LEPR: variants seen among roughly 807,000 people sequenced by gnomAD.
LEPR encodes leptin receptor.
LEPR carries 56 observed loss-of-function variants against 114.7 expected under a neutral mutation model. That is an observed-to-expected ratio of 0.49 (90% CI 0.39 to 0.61). The LOEUF is 0.61. Ranked by LOEUF, LEPR falls within the 20% of genes least tolerant of loss-of-function variation. The pLI is 0.00. For synonymous variants in LEPR, 443 were observed against 461.4 expected, an observed-to-expected ratio of 0.96 and a Z score of 0.51; for missense variants, 1,202 against 1,352.9, an observed-to-expected ratio of 0.89 and a Z score of 1.75.
intron 4 of LEPR, 130 bp downstream of exon 4, chr1:65,570,932 A>G: frequency 1.3e-6 from 1 of 765,606 alleles, no homozygotes; most frequent in African/African-American, 1.8e-5. Context: ...TAAAATTAGG[A>G]TTCATTATGT....
intron 3 of LEPR, among the ~76,000 whole-genome samples, chr1:65,568,935 G>A (rs1340424092): frequency 6.6e-6 from 1 of 151,996 alleles, no homozygotes; most frequent in Non-Finnish European, 1.5e-5. Context: ...GTGATATTGG[G>A]CATTTTTTTC....
At position 65,616,997 on chromosome 1, in the gene LEPR, TACC is replaced by T. The variant is rs1213392251; in HGVS notation, c.2212+774_2212+776del. Among the ~76,000 whole-genome samples the T allele has an allele frequency of 1.6e-4, 24 of 152,330 alleles. No individual in the cohort carries two copies. In the South Asian group the frequency reaches 3.1e-3, roughly 20 times the overall value. On this transcript the variant is annotated intron_variant, in intron 15 of 19. Coordinates refer to ENST00000349533, the MANE Select transcript of LEPR (RefSeq NM_002303.6). ...TTTTATGTCCTGTTTACATTATGAT[TACC>T]TTTGTATTTATAGTGTTAAGCATCG...
intron 2 of LEPR, chr1:65,431,655 A>C (rs371373228): frequency 1.8e-5 from 13 of 706,860 alleles, no homozygotes; most frequent in East Asian, 1.6e-4. Context: ...ATTACTGAAC[A>C]GTTCATTGTC....
At chr1:65,434,074 A>G in intron 2 of LEPR, 1 of 985,364 alleles carries the variant, frequency 1.0e-6, no homozygotes, top group African/African-American at 1.7e-5. Flanking sequence ...GGTAGCCTTC[A>G]TATGTAGCCT....
At chr1:65,522,549 C>A (rs563034227) in intron 2 of LEPR, among the ~76,000 whole-genome samples, 1 of 152,222 alleles carries the variant, frequency 6.6e-6, no homozygotes, top group East Asian at 1.9e-4. Flanking sequence ...AACAGTTGAG[C>A]CGGAAAGAAA....
intron 2 of LEPR, among the ~76,000 whole-genome samples, chr1:65,535,472 C>A (rs1650702841): frequency 6.6e-6 from 1 of 151,778 alleles, no homozygotes; most frequent in African/African-American, 2.4e-5. Flanking sequence ...TCAAGCTACC[C>A]TCCTGCCTCA....
chr1:65,614,705 G>A (rs997334609), intron 14 of LEPR, among the ~76,000 whole-genome samples: 1 of 152,080 alleles, frequency 6.6e-6, no homozygotes, highest in Non-Finnish European at 1.5e-5. Context: ...TTAGAGTTGG[G>A]GATATAGGTA....
chr1:65,531,892 G>A (rs150730414), intron 2 of LEPR, among the ~76,000 whole-genome samples: 5 of 146,730 alleles, frequency 3.4e-5, no homozygotes, highest in South Asian at 2.1e-4. Flanking sequence ...TCTTTAGAGC[G>A]TAAAACCAAT....
In LEPR at chr1:65,633,611, A is replaced by G. The variant is rs1300911562; in HGVS notation, c.2674-2580A>G. On this transcript the variant is annotated intron_variant, in intron 19 of 19. Transcript: ENST00000349533. The surrounding 1 kb of genome is among the most constrained non-coding windows in gnomAD (Gnocchi z 4.1). ...CTTTAAAAATACAATGATTATAAGTATGGAATCAGTGAAAATATTTAGTTT... is the reference window on the plus strand; with the variant it reads ...CTTTAAAAATACAATGATTATAAGTGTGGAATCAGTGAAAATATTTAGTTT... The G allele has an allele frequency of 1.0e-6, 1 of 982,566 alleles. No homozygotes were observed. Among genetic ancestry groups the G allele is most frequent in the Non-Finnish European group, 1.2e-6 (1 of 826,318 alleles). 60.9% of individuals were successfully genotyped at this position (982,566 alleles called of 1,614,324 possible).
At chr1:65,550,770 T>C (rs566499644) in intron 2 of LEPR, among the ~76,000 whole-genome samples, 1 of 152,174 alleles carries the variant, frequency 6.6e-6, no homozygotes, top group Non-Finnish European at 1.5e-5. Flanking sequence ...TTGCGCTTCC[T>C]GAGTGAGGCA....
At chr1:65,467,054 G>A (rs924729395) in intron 2 of LEPR, among the ~76,000 whole-genome samples, 2 of 152,084 alleles carry the variant, frequency 1.3e-5, no homozygotes, top group Non-Finnish European at 2.9e-5. Flanking sequence ...ACTCATTCTC[G>A]TCCAGTTCGT....
At chr1:65,433,978 T>C (rs1031535664) in intron 2 of LEPR, 9 of 985,282 alleles carry the variant, frequency 9.1e-6, no homozygotes, top group Non-Finnish European at 1.1e-5. Context: ...TGCAATAGCT[T>C]TTCTTTCTAA....
chr1:65,609,277 C>T (rs1000106906), intron 12 of LEPR, among the ~76,000 whole-genome samples: 1 of 152,186 alleles, frequency 6.6e-6, no homozygotes, highest in Non-Finnish European at 1.5e-5. Flanking sequence ...TATTTCATCT[C>T]ATGTTCCCCA....
At chr1:65,554,687 T>C (rs957344588) in intron 2 of LEPR, among the ~76,000 whole-genome samples, 3 of 152,080 alleles carry the variant, frequency 2.0e-5, no homozygotes, top group African/African-American at 7.2e-5. Flanking sequence ...TTTGACTCCC[T>C]GGCTTCAGCC....
chr1:65,613,670 G>A (rs1345283031), intron 14 of LEPR, among the ~76,000 whole-genome samples: 6 of 128,364 alleles, frequency 4.7e-5, no homozygotes, highest in Admixed American at 8.1e-5. Flanking sequence ...GGAGAATGGC[G>A]TGAACCCAGG....
At chr1:65,597,671 G>A (rs1050550048) in intron 7 of LEPR, among the ~76,000 whole-genome samples, 3 of 152,144 alleles carry the variant, frequency 2.0e-5, no homozygotes, top group Non-Finnish European at 4.4e-5. Context: ...GGAGCTCAAT[G>A]AAAGGCCTCT....
At chr1:65,584,490 C>T (rs369524609) in intron 5 of LEPR, among the ~76,000 whole-genome samples, 7 of 152,038 alleles carry the variant, frequency 4.6e-5, no homozygotes, top group East Asian at 1.9e-4. Context: ...CTGCACAGTC[C>T]GTTCTAAACT....
At chr1:65,465,082 G>T (rs943445728) in intron 2 of LEPR, among the ~76,000 whole-genome samples, 1 of 152,002 alleles carries the variant, frequency 6.6e-6, no homozygotes, top group Admixed American at 6.6e-5. Context: ...GAATATGTTT[G>T]CTCTTGCTTC....
At chr1:65,634,882 A>C (rs1658660717) in intron 19 of LEPR, 1 of 859,166 alleles carries the variant, frequency 1.2e-6, no homozygotes. Context: ...CTTTCAGAAA[A>C]AAAAAACAGG....
Sources: gnomAD v4.1 joint callset for allele counts (sites outside exome capture counted in the v4.1 genomes callset) on GRCh38, gnomAD v4.1.1 for gene constraint, Gnocchi (gnomAD v3.1) non-coding constraint, MANE v1.5 for transcripts, NCBI Gene and HGNC (gene_info 2026-07-23, HGNC 2026-07-21) for gene names.